Variants in FAF2 observed in about 807,000 individuals in gnomAD.
FAF2 encodes Fas associated factor family member 2, also known as FAS-associated factor 2.
FAF2 carries 9 observed loss-of-function variants against 62.3 expected under a neutral mutation model. That is an observed-to-expected ratio of 0.14 (90% CI 0.09 to 0.25). The LOEUF is 0.25. FAF2 is among the 10% of genes least tolerant of loss of function. The pLI, the probability that FAF2 is intolerant of heterozygous loss-of-function variation, is 1.00. For missense variants in FAF2, 368 were observed against 556.2 expected (o/e 0.66, Z 3.40); for synonymous variants, 202 against 198.0 (o/e 1.02, Z -0.17).
At chr5:176,502,793 TA>T (rs1755617489) in intron 10 of FAF2, among the ~76,000 whole-genome samples, 1 of 152,140 alleles carries the variant, frequency 6.6e-6, no homozygotes, top group African/African-American at 2.4e-5. Context: ...CTCATGCCTG[TA>T]ATCCCAGCAC....
At chr5:176,450,050 A>G (rs1758136258) in intron 1 of FAF2, among the ~76,000 whole-genome samples, 1 of 152,218 alleles carries the variant, frequency 6.6e-6, no homozygotes, top group African/African-American at 2.4e-5. Flanking sequence ...CTTATATTTC[A>G]GTGTACAGTT....
At position 176,502,521 on chromosome 5, in the gene FAF2, G is replaced by A. The variant is rs143660739; in HGVS notation, c.1155+2375G>A. 3.1e-3 allele frequency among the ~76,000 whole-genome samples: 468 copies of A among 151,674 alleles called. 5 individuals carry two copies. Among genetic ancestry groups the A allele is most frequent in the African/African-American group, 0.011 (443 of 41,390 alleles). On this transcript the variant is annotated intron_variant, in intron 10 of 10. Transcript: ENST00000261942. The stretch of plus-strand genomic sequence containing the variant: ...CTTGAGCCCAGGAGGCAGAGGTTGC[G>A]GTGAGCCGAGATCATGCCATTGCAC...
chr5:176,451,326 G>A (rs572932062), intron 1 of FAF2, among the ~76,000 whole-genome samples: 2 of 152,118 alleles, frequency 1.3e-5, no homozygotes, highest in Non-Finnish European at 2.9e-5. Flanking sequence ...AGCCAAGATC[G>A]TGCCACTGCA....
chr5:176,467,968 TA>T (rs1758501127), intron 1 of FAF2, among the ~76,000 whole-genome samples: 1 of 151,988 alleles, frequency 6.6e-6, no homozygotes, highest in African/African-American at 2.4e-5. Flanking sequence ...AGTTCAAGAC[TA>T]GCCTGGCCAA....
At chr5:176,497,673 G>A (rs1192180710) in intron 8 of FAF2, among the ~76,000 whole-genome samples, 3 of 152,090 alleles carry the variant, frequency 2.0e-5, no homozygotes, top group Non-Finnish European at 4.4e-5. Flanking sequence ...TGCAATTTGT[G>A]ATGGTTTCCT....
Position 176,496,471 on chromosome 5 carries a change from G to C in FAF2, c.662-15G>C. 6.4e-7 allele frequency: 1 copy of C among 1,553,554 alleles called. No individual in the cohort carries two copies. The highest frequency in any genetic ancestry group is 8.7e-7 in the Non-Finnish European group (1 of 1,151,834). ...CGTCAAGTCCTGCCCTTGATCTGTTGGGTCTTTTTATCAGTCTCACAGGCT... is the reference window on the plus strand; with the variant it reads ...CGTCAAGTCCTGCCCTTGATCTGTTCGGTCTTTTTATCAGTCTCACAGGCT... On this transcript the variant is annotated splice_polypyrimidine_tract_variant and intron_variant, in intron 7 of 10. Coordinates refer to ENST00000261942, the MANE Select transcript of FAF2 (RefSeq NM_014613.3).
chr5:176,490,765 A>G (rs1412195410), intron 4 of FAF2, among the ~76,000 whole-genome samples: 1 of 152,172 alleles, frequency 6.6e-6, no homozygotes, highest in Admixed American at 6.5e-5. Flanking sequence ...CTAAGTTGAC[A>G]TCTCTGTTTT....
chr5:176,472,711 C>T (rs1201365350), intron 1 of FAF2, among the ~76,000 whole-genome samples: 1 of 76,282 alleles, frequency 1.3e-5, no homozygotes, highest in Non-Finnish European at 2.4e-5. Context: ...GTGAAATCTT[C>T]ATCTCTACAA....
rs548304272 is a variant in FAF2, at chr5:176,479,086, A to G, written c.64-102A>G. The G allele has an allele frequency of 6.5e-6, 6 of 919,120 alleles. No homozygotes were observed. In the South Asian group the frequency reaches 7.9e-5, roughly 12 times the overall value. 56.9% of individuals were successfully genotyped at this position (919,120 alleles called of 1,614,324 possible). ...TTACCATACTTTAACACTCACTTTT[A>G]ACATTTTTTAGTGTATTTTCCTAGC... On this transcript the variant is annotated intron_variant, in intron 1 of 10. Transcript: ENST00000261942.
rs1235943809 is a variant in FAF2, at chr5:176,448,429, G to T, written c.22G>T (p.Asp8Tyr). The change falls in exon 1 of 11, where the codon GAT becomes TAT. Residue 8 changes from aspartate to tyrosine, a missense_variant. Physicochemically the swap from Asp to Tyr is radical, Grantham distance 160. Transcript: ENST00000261942. ...CAAAATGGCGGCGCCTGAGGAGCGG[G>T]ATCTAACCCAGGAGCAGACAGAGAA... is the stretch of plus-strand genomic sequence containing the variant. MAAPEER[D>Y]LTQEQTEKLL... 3 of 1,607,580 alleles carry T rather than the reference G, an allele frequency of 1.9e-6. No individual in the cohort carries two copies. The highest frequency in any genetic ancestry group is 2.5e-6 in the Non-Finnish European group (3 of 1,177,340).
intron 7 of FAF2, among the ~76,000 whole-genome samples, chr5:176,495,753 C>G (rs563297062): frequency 1.8e-4 from 27 of 151,970 alleles, no homozygotes; most frequent in African/African-American, 6.3e-4. Context: ...CTCAAGTGAT[C>G]CAACCACCTC....
At chr5:176,453,935 A>C (rs2113714124) in intron 1 of FAF2, among the ~76,000 whole-genome samples, 1 of 151,492 alleles carries the variant, frequency 6.6e-6, no homozygotes, top group Non-Finnish European at 1.5e-5. Context: ...AGGTGCCCAT[A>C]ATCCCAGCTA....
rs11386560 is a variant in FAF2 at position 176,459,250 on chromosome 5, C to CTTT, written c.63+10798_63+10800dup. Among the ~76,000 whole-genome samples, 402 of 116,450 alleles carry CTTT rather than the reference C, an allele frequency of 3.5e-3. 13 individuals are homozygous for CTTT. Among genetic ancestry groups the CTTT allele is most frequent in the East Asian group, 0.029 (114 of 3,866 alleles). The allele number at this position is 116,450 out of a possible 152,430, so 76.4% of individuals were successfully genotyped here. On this transcript the variant is annotated intron_variant, in intron 1 of 10. Transcript: ENST00000261942. The stretch of plus-strand genomic sequence containing the variant: ...GAAGAAAGCCAAAATTCCAGTTAAC[C>CTTT]TTTTTTTTTTTTTTTTTTTTCTTTT...
intron 1 of FAF2, among the ~76,000 whole-genome samples, chr5:176,464,978 TC>T (rs902467891): frequency 1.4e-4 from 21 of 152,252 alleles, no homozygotes; most frequent in Non-Finnish European, 2.8e-4. Context: ...ACCTCCGCCT[TC>T]CAGGCTCAAG....
At position 176,507,777 on chromosome 5, in the gene FAF2, T is replaced by G. The variant is rs1755710034; in HGVS notation, c.*827T>G. On this transcript the variant is annotated 3_prime_UTR_variant, in exon 11 of 11. Transcript: ENST00000261942. Reference sequence around the variant, plus strand: ...TTTGTGGCCCCACAAAGGCTGTATATGTAAAGATACACCTATGTATGTGGT... The same window carrying G: ...TTTGTGGCCCCACAAAGGCTGTATAGGTAAAGATACACCTATGTATGTGGT... The G allele has an allele frequency of 6.5e-6, 1 of 152,994 alleles. No homozygotes were observed. 9.5% of individuals were successfully genotyped at this position (152,994 alleles called of 1,614,324 possible).
rs769428480 is a variant in FAF2 at position 176,494,008 on chromosome 5, G to T, written c.493G>T (p.Asp165Tyr). ...YQGTYSQALN[D>Y]AKRELRFLLV... is the part of the protein sequence containing the mutation. ...CTTCTCTTTCTCACAGGCACTTAAC[G>T]ATGCCAAAAGGGAGCTTCGCTTTCT... Residue 165 changes from aspartate to tyrosine, a missense_variant, in exon 6 of 11, where the codon GAT becomes TAT. Asp to Tyr is a radical substitution (Grantham distance 160). This residue lies in a region of FAF2 where 331 missense variants were observed against 441.9 expected (regional missense o/e 0.75). Coordinates refer to ENST00000261942, the MANE Select transcript of FAF2 (RefSeq NM_014613.3). The surrounding 1 kb of genome is among the most constrained non-coding windows in gnomAD (Gnocchi z 4.0). The T allele has an allele frequency of 6.2e-7, 1 of 1,613,306 alleles. No individual in the cohort carries two copies. The highest frequency in any genetic ancestry group is 1.1e-5 in the South Asian group (1 of 90,978).
Position 176,486,389 on chromosome 5 carries a change from G to C in FAF2, c.167G>C (p.Gly56Ala), listed in dbSNP as rs1461643391. 2 of 1,614,180 alleles carry C rather than the reference G, an allele frequency of 1.2e-6. No individual in the cohort carries two copies. The highest frequency in any genetic ancestry group is 4.5e-5 in the East Asian group (2 of 44,880). ...CAGGACAGATTGAATGAGCAAGAGG[G>C]CGTACCTAGTGTTTTCAACCCACCT... ...AVQDRLNEQE[G>A]VPSVFNPPPS... Residue 56 changes from glycine (G) to alanine (A), a missense_variant, in exon 3 of 11, where the codon GGC becomes GCC. Gly to Ala is a moderately conservative substitution (Grantham distance 60). Around this residue, in one of 2 missense-constraint regions of FAF2, gnomAD observed 331 missense variants for 441.9 expected, o/e 0.75. Transcript: ENST00000261942.
intron 1 of FAF2, among the ~76,000 whole-genome samples, chr5:176,456,199 G>A (rs1351005259): frequency 1.3e-5 from 2 of 152,056 alleles, no homozygotes; most frequent in Non-Finnish European, 2.9e-5. Context: ...AGCCTCCCGA[G>A]TAGCTGGGAT....
rs753867979 is a variant in FAF2 at position 176,506,994 on chromosome 5, A to C, written c.*44A>C. 34 of 1,328,396 alleles carry C rather than the reference A, an allele frequency of 2.6e-5. No individual in the cohort carries two copies. In the East Asian group the frequency reaches 8.8e-4, roughly 35 times the overall value. The allele number at this position is 1,328,396 out of a possible 1,614,324, so 82.3% of individuals were successfully genotyped here. On this transcript the variant is annotated 3_prime_UTR_variant, in exon 11 of 11. Transcript: ENST00000261942. ...CCCTCCTACCCCAGTCCCTAAAAGA[A>C]ATGGGGAAAAAAGAAAACAACAGCA...
Sources: gnomAD v4.1 joint callset for allele counts (sites outside exome capture counted in the v4.1 genomes callset) on GRCh38, gnomAD v4.1.1 for gene constraint, gnomAD v4.1.1 regional missense constraint, Gnocchi (gnomAD v3.1) non-coding constraint, MANE v1.5 for transcripts, NCBI Gene and HGNC (gene_info 2026-07-23, HGNC 2026-07-21) for gene names.